The following NAV3 variants were observed in gnomAD, a reference collection of about 807,000 sequenced individuals.
NAV3 encodes neuron navigator 3.
NAV3 carries 87 observed loss-of-function variants against 244.7 expected under a neutral mutation model. That is an observed-to-expected ratio of 0.36 (90% CI 0.30 to 0.42). The LOEUF is 0.42. NAV3 is among the 20% of genes least tolerant of loss of function. NAV3 has a pLI of 1.00. For synonymous variants in NAV3, 1,126 were observed against 1,042.2 expected (o/e 1.08, Z -1.55); for missense variants, 2,663 against 2,893.3 (o/e 0.92, Z 1.83).
At chr12:77,600,217 C>G (rs536069876) in intron 2 of NAV3, among the ~76,000 whole-genome samples, 11 of 152,014 alleles carry the variant, frequency 7.2e-5, no homozygotes, top group Admixed American at 1.3e-4. Context: ...AGTACCTGGA[C>G]CAGCTCTAGG....
At chr12:78,041,884 T>G (rs923809609) in intron 9 of NAV3, among the ~76,000 whole-genome samples, 1 of 152,240 alleles carries the variant, frequency 6.6e-6, no homozygotes, top group Non-Finnish European at 1.5e-5. Flanking sequence ...CTTCCCTATG[T>G]GACAATTTTC....
intron 5 of NAV3, among the ~76,000 whole-genome samples, chr12:77,978,825 A>T (rs117178822): frequency 0.018 from 2,738 of 151,796 alleles, 43 homozygotes; most frequent in Non-Finnish European, 0.03. Flanking sequence ...TTTCTGATTG[A>T]TCTCTCAGTC....
At chr12:77,766,522 T>G (rs907793092) in intron 2 of NAV3, among the ~76,000 whole-genome samples, 3 of 152,150 alleles carry the variant, frequency 2.0e-5, no homozygotes, top group African/African-American at 7.2e-5. Context: ...AGGGAATGTT[T>G]TTAATATTAG....
chr12:78,049,264 TA>T (rs2137210880), intron 9 of NAV3, among the ~76,000 whole-genome samples: 1 of 151,516 alleles, frequency 6.6e-6, no homozygotes, highest in South Asian at 2.1e-4. Context: ...GCTACTGGGG[TA>T]TGAAAAAAAA....
intron 3 of NAV3, among the ~76,000 whole-genome samples, chr12:77,950,348 C>G (rs552350307): frequency 2.0e-5 from 3 of 152,034 alleles, no homozygotes; most frequent in Non-Finnish European, 4.4e-5. Context: ...TTTGGCCGTC[C>G]TAATAGATTT....
At chr12:77,946,547 A>C (rs1208024481) in intron 3 of NAV3, among the ~76,000 whole-genome samples, 1 of 152,138 alleles carries the variant, frequency 6.6e-6, no homozygotes, top group African/African-American at 2.4e-5. Flanking sequence ...GTTGGAGCTT[A>C]GTCAACACTA....
chr12:77,697,742 T>C (rs1875379427), intron 2 of NAV3, among the ~76,000 whole-genome samples: 1 of 152,134 alleles, frequency 6.6e-6, no homozygotes, highest in Admixed American at 6.6e-5. Context: ...AATGTGCTTA[T>C]AGCTAGAATG....
chr12:78,107,362 CA>C (rs1954854836), intron 12 of NAV3, among the ~76,000 whole-genome samples: 1 of 152,042 alleles, frequency 6.6e-6, no homozygotes, highest in Non-Finnish European at 1.5e-5. Flanking sequence ...CTAAGTCTAG[CA>C]AGAGTTTTAG....
At chr12:78,108,920 C>T (rs1272337757) in intron 12 of NAV3, among the ~76,000 whole-genome samples, 10 of 151,788 alleles carry the variant, frequency 6.6e-5, no homozygotes, top group Admixed American at 6.6e-4. Flanking sequence ...AAGAACAAAT[C>T]AAACCCAAAA....
chr12:78,080,216 G>A (rs1274178050), intron 12 of NAV3, among the ~76,000 whole-genome samples: 3 of 152,114 alleles, frequency 2.0e-5, no homozygotes, highest in African/African-American at 7.2e-5. Flanking sequence ...GTCTGATTGA[G>A]ACACAAAGTA....
In NAV3 at chr12:78,007,350, C is replaced by T. The variant is rs2136598596; in HGVS notation, c.1812C>T (p.Ser604=). The T allele has an allele frequency of 6.2e-7, 1 of 1,614,198 alleles. No homozygotes were observed. Among genetic ancestry groups the T allele is most frequent in the Non-Finnish European group, 8.5e-7 (1 of 1,180,036 alleles). Residue 604 remains serine (S), a synonymous_variant, in exon 8 of 40, where the codon AGC becomes AGT. Coordinates refer to ENST00000397909, the MANE Select transcript of NAV3 (RefSeq NM_001024383.2). ...CCTGTACCATGACAGTGGCACAAAG[C>T]AGTGGGCAGAGCACAGGAAATGGTG... ...SGSCTMTVAQ[S]SGQSTGNGAV...
intron 13 of NAV3, among the ~76,000 whole-genome samples, chr12:78,117,819 A>G (rs1955487630): frequency 6.6e-6 from 1 of 152,064 alleles, no homozygotes; most frequent in African/African-American, 2.4e-5. Context: ...GTAGCGTTTA[A>G]TTGGTGTTTT....
chr12:77,880,208 T>A (rs1882446631), intron 1 of NAV3, among the ~76,000 whole-genome samples: 2 of 152,052 alleles, frequency 1.3e-5, no homozygotes. Flanking sequence ...AAGTCATGAG[T>A]CGCACAATTC....
At chr12:78,011,853 A>G (rs1305154742) in intron 8 of NAV3, among the ~76,000 whole-genome samples, 1 of 152,166 alleles carries the variant, frequency 6.6e-6, no homozygotes, top group East Asian at 1.9e-4. Context: ...ATTAAGGTGG[A>G]AGACGAAGAG....
chr12:77,727,107 G>A (rs1175581716), intron 2 of NAV3, among the ~76,000 whole-genome samples: 1 of 151,814 alleles, frequency 6.6e-6, no homozygotes, highest in East Asian at 1.9e-4. Context: ...CAGATTTGTC[G>A]ATAGAGATGG....
At position 78,186,640 on chromosome 12, in the gene NAV3, T is replaced by G. The variant is rs1295988929; in HGVS notation, c.5790+942T>G. Among the ~76,000 whole-genome samples, 6 of 151,392 alleles carry G rather than the reference T, an allele frequency of 4.0e-5. No individual in the cohort carries two copies. The Admixed American group carries it at 4.0e-4, about 10-fold the overall frequency. On this transcript the variant is annotated intron_variant, in intron 31 of 39. Transcript: ENST00000397909. ...GTTATAAACACACTGAAAAATAAGA[T>G]TTCCTGTTCACAGTAATTCTAACAG...
chr12:78,069,157 T>G (rs1487064639), intron 12 of NAV3, among the ~76,000 whole-genome samples: 1 of 152,056 alleles, frequency 6.6e-6, no homozygotes, highest in Non-Finnish European at 1.5e-5. Context: ...TTTTCTTGCT[T>G]GACTTAATTT....
intron 3 of NAV3, among the ~76,000 whole-genome samples, chr12:77,954,755 C>G (rs1891208307): frequency 6.6e-6 from 1 of 152,044 alleles, no homozygotes; most frequent in Non-Finnish European, 1.5e-5. Context: ...TAGTGTATTA[C>G]AACTGAATTT....
At chr12:77,817,003 G>A (rs1294102512) in intron 2 of NAV3, among the ~76,000 whole-genome samples, 1 of 152,116 alleles carries the variant, frequency 6.6e-6, no homozygotes, top group African/African-American at 2.4e-5. Context: ...TGCACGGCTG[G>A]TATTTTATCT....
Sources: gnomAD v4.1 joint callset for allele counts (sites outside exome capture counted in the v4.1 genomes callset) on GRCh38, gnomAD v4.1.1 for gene constraint, MANE v1.5 for transcripts, NCBI Gene and HGNC (gene_info 2026-07-23, HGNC 2026-07-21) for gene names.